TGFB2: variants seen among roughly 807,000 people sequenced by gnomAD.
TGFB2 encodes the protein transforming growth factor beta 2.
Under a neutral mutation model 42.7 loss-of-function variants are expected in TGFB2, and 13 were observed. The ratio of observed to expected loss-of-function variants is 0.30; its 90% CI spans 0.20 to 0.48. The LOEUF is 0.48. TGFB2 is among the 20% of genes least tolerant of loss of function. TGFB2 has a pLI of 0.99. For missense variants in TGFB2, 390 were observed against 517.5 expected, an observed-to-expected ratio of 0.75 and a Z score of 2.39; for synonymous variants, 193 against 193.6, an observed-to-expected ratio of 1.00 and a Z score of 0.03.
intron 2 of TGFB2, among the ~76,000 whole-genome samples, chr1:218,409,885 C>T (rs529323261): frequency 4.5e-4 from 69 of 152,270 alleles, no homozygotes; most frequent in Middle Eastern, 3.4e-3. Context: ...TAGGACTCTT[C>T]AGGACACTGA....
At chr1:218,383,136 A>G (rs1658019386) in intron 1 of TGFB2, among the ~76,000 whole-genome samples, 1 of 152,224 alleles carries the variant, frequency 6.6e-6, no homozygotes, top group Non-Finnish European at 1.5e-5. Flanking sequence ...ACGAAGAGGA[A>G]AGAAACCTAT....
rs61762489 is a variant in TGFB2, at chr1:218,441,497, G to A, written c.*135G>A. 566 of 890,620 alleles carry A rather than the reference G, an allele frequency of 6.4e-4. 8 individuals carry two copies. The East Asian group carries it at 0.013, about 21-fold the overall frequency. 55.2% of individuals were successfully genotyped at this position (890,620 alleles called of 1,614,324 possible). ...AGTGTTAAAAAATTTTTGAAAAGGC[G>A]GTACTAGTTCAGACACTTTGGAAGT... On this transcript the variant is annotated 3_prime_UTR_variant, in exon 7 of 7. Transcript: ENST00000366930.
At chr1:218,356,590 A>C (rs1328793575) in intron 1 of TGFB2, among the ~76,000 whole-genome samples, 2 of 152,100 alleles carry the variant, frequency 1.3e-5, no homozygotes, top group Non-Finnish European at 1.5e-5. Context: ...TTGCCTCTTT[A>C]TTTTTCTGGA....
chr1:218,438,823 T>C (rs1660055570), intron 6 of TGFB2, among the ~76,000 whole-genome samples: 1 of 152,118 alleles, frequency 6.6e-6, no homozygotes, highest in South Asian at 2.1e-4. Flanking sequence ...TTAAAGAAAT[T>C]GGGGACCGGG....
rs1392374892 is a variant in TGFB2 at position 218,371,428 on chromosome 1, G to T, written c.346+24381G>T. ...AATATGGGGCACTTTATTGAAATAT[G>T]AATATTTACTGCATATTTGGTTGGT... On this transcript the variant is annotated intron_variant, in intron 1 of 6. Transcript: ENST00000366930. Among the ~76,000 whole-genome samples, 3 of 152,180 alleles carry T rather than the reference G, an allele frequency of 2.0e-5. No homozygotes were observed. In the East Asian group the frequency reaches 5.8e-4, roughly 29 times the overall value.
chr1:218,421,806 A>G (rs1659463569), intron 2 of TGFB2, among the ~76,000 whole-genome samples: 1 of 152,210 alleles, frequency 6.6e-6, no homozygotes, highest in Admixed American at 6.5e-5. Flanking sequence ...TTATAAAAAG[A>G]CAGCCATGTG....
intron 1 of TGFB2, among the ~76,000 whole-genome samples, chr1:218,393,825 C>G (rs192535863): frequency 2.6e-5 from 4 of 152,026 alleles, no homozygotes; most frequent in Non-Finnish European, 5.9e-5. Flanking sequence ...ATCACATTCA[C>G]GGTTTACCTG....
chr1:218,350,350 A>G (rs1464613998), intron 1 of TGFB2, among the ~76,000 whole-genome samples: 1 of 152,140 alleles, frequency 6.6e-6, no homozygotes, highest in East Asian at 1.9e-4. Context: ...GTCCAGAGAC[A>G]CTTTGGGTTG....
At chr1:218,421,754 C>T (rs1022808816) in intron 2 of TGFB2, among the ~76,000 whole-genome samples, 4 of 152,096 alleles carry the variant, frequency 2.6e-5, no homozygotes, top group African/African-American at 4.8e-5. Context: ...ATGAGGTCAT[C>T]CTGCAGGAGG....
intron 1 of TGFB2, among the ~76,000 whole-genome samples, chr1:218,376,868 A>G (rs12094199): frequency 0.012 from 1,773 of 152,278 alleles, 32 homozygotes; most frequent in East Asian, 0.086. Context: ...CAATCCAAAC[A>G]CATAGGAAGA....
At chr1:218,382,036 G>A (rs761013222) in intron 1 of TGFB2, among the ~76,000 whole-genome samples, 2 of 152,104 alleles carry the variant, frequency 1.3e-5, no homozygotes, top group African/African-American at 2.4e-5. Context: ...AGAAAGAGAG[G>A]GTGAAATCTA....
At chr1:218,366,312 C>CTT (rs1478344274) in intron 1 of TGFB2, among the ~76,000 whole-genome samples, 1 of 151,870 alleles carries the variant, frequency 6.6e-6, no homozygotes, top group Admixed American at 6.6e-5. Context: ...CTCTCTCTCT[C>CTT]TTTTTTTAGA....
chr1:218,438,304 A>G (rs1257066478), intron 6 of TGFB2, among the ~76,000 whole-genome samples: 1 of 152,200 alleles, frequency 6.6e-6, no homozygotes, highest in Non-Finnish European at 1.5e-5. Context: ...ATCTAAAAAA[A>G]AAATCTGCTA....
At chr1:218,414,062 G>A (rs1214779467) in intron 2 of TGFB2, among the ~76,000 whole-genome samples, 14 of 152,162 alleles carry the variant, frequency 9.2e-5, no homozygotes, top group Non-Finnish European at 1.8e-4. Context: ...TAAAATGCAC[G>A]TTCTTAAGGT....
rs568897015 is a variant in TGFB2, at chr1:218,419,563, G to A, written c.510+14231G>A. ...CTACTGGAGATGTGTCTGGTCCACA[G>A]TGGGTGTTCAATAAGTGTTTTTTAA... On this transcript the variant is annotated intron_variant, in intron 2 of 6. Transcript: ENST00000366930. 3.7e-4 allele frequency among the ~76,000 whole-genome samples: 57 copies of A among 152,294 alleles called. No homozygotes were observed. The South Asian group carries it at 0.012, about 31-fold the overall frequency.
chr1:218,440,681 T>G (rs1660123106), intron 6 of TGFB2, among the ~76,000 whole-genome samples: 1 of 152,224 alleles, frequency 6.6e-6, no homozygotes, highest in South Asian at 2.1e-4. Context: ...ACTTAGTACA[T>G]GAATCTCATT....
chr1:218,436,213 C>A, intron 5 of TGFB2, 66 bp downstream of exon 5: 1 of 1,549,184 alleles, frequency 6.5e-7, no homozygotes, highest in Non-Finnish European at 8.8e-7. Context: ...TTTGCCCTTT[C>A]TTTTACTGTG....
Position 218,421,613 on chromosome 1 carries a change from A to C in TGFB2, c.511-12469A>C, listed in dbSNP as rs182227207. On this transcript the variant is annotated intron_variant, in intron 2 of 6. Coordinates refer to ENST00000366930, the MANE Select transcript of TGFB2 (RefSeq NM_003238.6). ...CTCCCCACAGTATAATTTATGAATC[A>C]CTACTGTTAGAAGTGGGATTGTGTC... is the stretch of plus-strand genomic sequence containing the variant. Among the ~76,000 whole-genome samples, 782 of 152,266 alleles carry C rather than the reference A, an allele frequency of 5.1e-3. 16 individuals are homozygous for C. The highest frequency in any genetic ancestry group is 0.018 in the African/African-American group (750 of 41,528).
chr1:218,355,171 A>G (rs1441334078), intron 1 of TGFB2, among the ~76,000 whole-genome samples: 1 of 152,168 alleles, frequency 6.6e-6, no homozygotes, highest in African/African-American at 2.4e-5. Context: ...AAGTGCTGGG[A>G]TTATAGGCCC....
Sources: allele counts gnomAD v4.1 joint callset (sites outside exome capture counted in the v4.1 genomes callset), GRCh38; gene constraint gnomAD v4.1.1; transcripts MANE v1.5; gene names NCBI Gene and HGNC (gene_info 2026-07-23, HGNC 2026-07-21).